Variants in RNF150 observed in about 807,000 individuals in gnomAD.
RNF150 encodes ring finger protein 150.
In RNF150, 24 loss-of-function variants were observed where a neutral mutation model predicts 39.3. The observed-to-expected ratio is 0.61, with a 90% confidence interval of 0.44 to 0.86. RNF150 has a LOEUF of 0.86. Ranked by LOEUF, RNF150 falls within the 40% of genes least tolerant of loss-of-function variation. RNF150 has a pLI of 0.00. For missense variants in RNF150, 502 were observed against 587.8 expected (o/e 0.85, Z 1.51); for synonymous variants, 255 against 227.3 (o/e 1.12, Z -1.10).
intron 6 of RNF150, among the ~76,000 whole-genome samples, chr4:140,896,728 AAAT>A (rs1055444200): frequency 3.5e-5 from 2 of 56,354 alleles, no homozygotes; most frequent in African/African-American, 1.2e-4. Flanking sequence ...AAACAAAAAA[AAAT>A]AATTTTTTTT....
intron 1 of RNF150, among the ~76,000 whole-genome samples, chr4:141,064,541 T>G (rs1737376221): frequency 6.6e-6 from 1 of 152,042 alleles, no homozygotes. Context: ...AGTTTGAGGT[T>G]GTAATGCTCT....
intron 1 of RNF150, among the ~76,000 whole-genome samples, chr4:141,046,566 C>A (rs1055368247): frequency 6.6e-6 from 1 of 152,158 alleles, no homozygotes; most frequent in African/African-American, 2.4e-5. Flanking sequence ...AGAAGCATGG[C>A]GTATGAGGAG....
chr4:141,051,223 CA>C (rs1324432391), intron 1 of RNF150, among the ~76,000 whole-genome samples: 1 of 152,148 alleles, frequency 6.6e-6, no homozygotes, highest in Non-Finnish European at 1.5e-5. Context: ...CCCATGAAAA[CA>C]TTTTTTCCTC....
chr4:141,120,106 C>T (rs1457653609), intron 1 of RNF150, among the ~76,000 whole-genome samples: 4 of 152,086 alleles, frequency 2.6e-5, no homozygotes, highest in African/African-American at 9.7e-5. Flanking sequence ...TAAATACAGC[C>T]GTTAAGAAGA....
At chr4:141,151,711 G>T (rs1727306251) in intron 1 of RNF150, among the ~76,000 whole-genome samples, 1 of 152,040 alleles carries the variant, frequency 6.6e-6, no homozygotes, top group African/African-American at 2.4e-5. Context: ...ATATTATTTT[G>T]TGGCTTCTTG....
chr4:140,911,031 G>C, intron 6 of RNF150, 113 bp downstream of exon 6: 2 of 819,872 alleles, frequency 2.4e-6, no homozygotes, highest in Non-Finnish European at 4.0e-6. Flanking sequence ...GATGAACCTA[G>C]CAATGATGTA....
intron 1 of RNF150, among the ~76,000 whole-genome samples, chr4:141,165,574 A>G (rs941740284): frequency 6.6e-6 from 1 of 152,220 alleles, no homozygotes; most frequent in Non-Finnish European, 1.5e-5. Context: ...CAAATGTAAA[A>G]GAACAGAAGT....
At chr4:140,956,394 T>C (rs1004876003) in intron 2 of RNF150, among the ~76,000 whole-genome samples, 22 of 152,282 alleles carry the variant, frequency 1.4e-4, no homozygotes, top group African/African-American at 4.1e-4. Context: ...GAACTGTCCA[T>C]AGTGCACACT....
chr4:140,882,697 G>A (rs1012860366), intron 6 of RNF150, among the ~76,000 whole-genome samples: 6 of 152,114 alleles, frequency 3.9e-5, no homozygotes, highest in Non-Finnish European at 7.4e-5. Context: ...TCTTGTGACA[G>A]TTGTTTACTT....
chr4:140,970,470 C>T (rs904574799), intron 1 of RNF150, among the ~76,000 whole-genome samples: 3 of 38,496 alleles, frequency 7.8e-5, no homozygotes, highest in Non-Finnish European at 1.2e-4. Context: ...CACTATCCCC[C>T]TCCCCACCCA....
intron 1 of RNF150, among the ~76,000 whole-genome samples, chr4:141,004,990 T>C (rs1320645546): frequency 1.3e-5 from 2 of 152,136 alleles, no homozygotes; most frequent in African/African-American, 2.4e-5. Context: ...AGAAACAGCA[T>C]GGCATGTTCA....
At chr4:141,205,027 A>G (rs1728352585) in intron 1 of RNF150, among the ~76,000 whole-genome samples, 1 of 152,230 alleles carries the variant, frequency 6.6e-6, no homozygotes, top group Admixed American at 6.5e-5. Context: ...TGCTTAAAAT[A>G]AAATGGTCTT....
chr4:141,183,531 T>G (rs1490393994), intron 1 of RNF150, among the ~76,000 whole-genome samples: 2 of 152,116 alleles, frequency 1.3e-5, no homozygotes, highest in Non-Finnish European at 2.9e-5. Context: ...TTATTTTACT[T>G]TATTTTATTT....
chr4:140,941,513 T>A (rs1309512862), intron 4 of RNF150, among the ~76,000 whole-genome samples: 1 of 152,218 alleles, frequency 6.6e-6, no homozygotes, highest in Non-Finnish European at 1.5e-5. Flanking sequence ...TTCCAATTAA[T>A]CTTCTTGAAG....
At chr4:141,065,628 A>G (rs559549201) in intron 1 of RNF150, among the ~76,000 whole-genome samples, 2 of 152,144 alleles carry the variant, frequency 1.3e-5, no homozygotes, top group Non-Finnish European at 1.5e-5. Flanking sequence ...GATGAGCTGT[A>G]TATGTGCTAG....
At chr4:140,983,441 A>AC (rs778219599) in intron 1 of RNF150, among the ~76,000 whole-genome samples, 1 of 152,092 alleles carries the variant, frequency 6.6e-6, no homozygotes, top group Non-Finnish European at 1.5e-5. Context: ...TATCATTGTT[A>AC]CCCACAGAGG....
At chr4:141,118,605 C>A in intron 1 of RNF150, among the ~76,000 whole-genome samples, 1 of 152,296 alleles carries the variant, frequency 6.6e-6, no homozygotes, top group African/African-American at 2.4e-5. Flanking sequence ...TCCTTTTAAG[C>A]AATATGGTGG....
intron 1 of RNF150, among the ~76,000 whole-genome samples, chr4:140,973,919 G>A (rs1227874559): frequency 2.7e-5 from 4 of 149,664 alleles, no homozygotes; most frequent in Non-Finnish European, 5.9e-5. Flanking sequence ...AACAGTACAC[G>A]GAGGTCCTAT....
At chr4:141,028,232 T>C (rs1033339218) in intron 1 of RNF150, among the ~76,000 whole-genome samples, 7 of 152,164 alleles carry the variant, frequency 4.6e-5, no homozygotes, top group Non-Finnish European at 2.9e-5. Flanking sequence ...GGGTTCACAT[T>C]TGGCATTCAT....
Sources: allele counts gnomAD v4.1 joint callset (sites outside exome capture counted in the v4.1 genomes callset), GRCh38; gene constraint gnomAD v4.1.1; transcripts MANE v1.5; gene names NCBI Gene and HGNC (gene_info 2026-07-23, HGNC 2026-07-21).